CCDC85A: variants seen among roughly 807,000 people sequenced by gnomAD.
The protein encoded by CCDC85A is coiled-coil domain-containing protein 85A.
Under a neutral mutation model 50.2 loss-of-function variants are expected in CCDC85A, and 38 were observed. The ratio of observed to expected loss-of-function variants is 0.76; its 90% CI spans 0.58 to 0.99. The LOEUF (loss-of-function observed/expected upper bound fraction) is 0.99, where lower values mean the gene tolerates loss of function less well. Among genes scored for constraint, CCDC85A ranks in the 50% least tolerant of loss-of-function variants. The probability of loss-of-function intolerance (pLI) is 0.00; values close to 1 mark genes in which losing one functional copy is unlikely to be tolerated. For synonymous variants in CCDC85A, 366 were observed against 301.4 expected (o/e 1.21, Z -2.22); for missense variants, 820 against 742.0 (o/e 1.11, Z -1.22).
chr2:56,352,290 G>T (rs1039809441), intron 3 of CCDC85A, among the ~76,000 whole-genome samples: 2 of 152,004 alleles, frequency 1.3e-5, no homozygotes, highest in African/African-American at 2.4e-5. Context: ...TATACATAAA[G>T]ATCTATATTC....
At chr2:56,334,561 T>C (rs1673979770) in intron 2 of CCDC85A, among the ~76,000 whole-genome samples, 1 of 152,310 alleles carries the variant, frequency 6.6e-6, no homozygotes, top group Admixed American at 6.5e-5. Context: ...AATTTGATAT[T>C]GTAGAATTAT....
chr2:56,223,301 G>A (rs934683492), intron 2 of CCDC85A, among the ~76,000 whole-genome samples: 33 of 152,106 alleles, frequency 2.2e-4, no homozygotes, highest in East Asian at 1.9e-4. Context: ...TAGACTTTCT[G>A]TGCTGTGTAT....
chr2:56,315,304 A>G (rs1207166505), intron 2 of CCDC85A, among the ~76,000 whole-genome samples: 2 of 152,120 alleles, frequency 1.3e-5, no homozygotes, highest in African/African-American at 4.8e-5. Context: ...TAAATAACTA[A>G]AGAACAGCTC....
At chr2:56,375,450 A>T (rs1238043099) in intron 4 of CCDC85A, among the ~76,000 whole-genome samples, 1 of 152,238 alleles carries the variant, frequency 6.6e-6, no homozygotes, top group African/African-American at 2.4e-5. Flanking sequence ...CATATGGAAT[A>T]TGGCATTTGG....
intron 3 of CCDC85A, among the ~76,000 whole-genome samples, chr2:56,360,889 T>C (rs1675488056): frequency 6.6e-6 from 1 of 152,252 alleles, no homozygotes. Context: ...GGTACAGGAA[T>C]ATTTATTCAG....
At chr2:56,372,274 T>C (rs1676111173) in intron 3 of CCDC85A, 70 bp from the exon 4 acceptor site, 1 of 1,415,384 alleles carries the variant, frequency 7.1e-7, no homozygotes, top group African/African-American at 1.4e-5. Context: ...CTTCATGTTC[T>C]ATCTGCTTTC....
chr2:56,259,053 A>G (rs1004256847), intron 2 of CCDC85A, among the ~76,000 whole-genome samples: 3 of 152,182 alleles, frequency 2.0e-5, no homozygotes, highest in Non-Finnish European at 4.4e-5. Context: ...TGGATGTCAT[A>G]TGGTTATAAT....
chr2:56,299,539 G>A (rs984943565), intron 2 of CCDC85A, among the ~76,000 whole-genome samples: 3 of 152,080 alleles, frequency 2.0e-5, no homozygotes, highest in Admixed American at 6.6e-5. Flanking sequence ...CAGATTTCCT[G>A]GCACGTTGGC....
At chr2:56,301,621 C>T (rs930271238) in intron 2 of CCDC85A, among the ~76,000 whole-genome samples, 2 of 152,144 alleles carry the variant, frequency 1.3e-5, no homozygotes, top group African/African-American at 4.8e-5. Context: ...ACAGAGAATG[C>T]AGAATCTGAA....
chr2:56,186,210 G>T (rs4672096), intron 1 of CCDC85A, among the ~76,000 whole-genome samples: 131,931 of 152,114 alleles, frequency 0.87, 57,447 homozygotes, highest in Non-Finnish European at 0.9. Context: ...ACTCTCTCCT[G>T]TGGTTGAATT....
intron 2 of CCDC85A, among the ~76,000 whole-genome samples, chr2:56,311,095 A>G (rs1354064950): frequency 6.6e-6 from 1 of 152,180 alleles, no homozygotes; most frequent in Non-Finnish European, 1.5e-5. Flanking sequence ...GACTTATGAC[A>G]TAAGCTAGAA....
chr2:56,345,167 C>T (rs780510665), intron 3 of CCDC85A, among the ~76,000 whole-genome samples: 1 of 152,058 alleles, frequency 6.6e-6, no homozygotes, highest in Non-Finnish European at 1.5e-5. Context: ...ATTTTGCTAC[C>T]AAGGAAGGTT....
chr2:56,217,733 TC>T (rs1345896876), intron 2 of CCDC85A, among the ~76,000 whole-genome samples: 1 of 151,834 alleles, frequency 6.6e-6, no homozygotes, highest in Non-Finnish European at 1.5e-5. Flanking sequence ...TGATTTTCCT[TC>T]TAAAAGCTTG....
At position 56,329,945 on chromosome 2, in the gene CCDC85A, G is replaced by GT. The variant is rs535050957; in HGVS notation, c.1241-12898dup. 5.9e-3 allele frequency among the ~76,000 whole-genome samples: 260 copies of GT among 44,074 alleles called. 22 individuals are homozygous for GT. The highest frequency in any genetic ancestry group is 9.0e-3 in the Non-Finnish European group (188 of 20,838). 28.9% of individuals were successfully genotyped at this position (44,074 alleles called of 152,430 possible). On this transcript the variant is annotated intron_variant, in intron 2 of 5. Transcript: ENST00000407595. Reference sequence around the variant, plus strand: ...AAAATTTGTTTTTTACAGATTTCCTGTTTTTTTTTTTTTTTTTTTTTTTTT... The same window carrying GT: ...AAAATTTGTTTTTTACAGATTTCCTGTTTTTTTTTTTTTTTTTTTTTTTTTT...
At chr2:56,184,925 C>T (rs1480801042) in intron 1 of CCDC85A, 25 bp downstream of exon 1, 2 of 1,455,190 alleles carry the variant, frequency 1.4e-6, no homozygotes, top group Non-Finnish European at 9.0e-7. Flanking sequence ...GGTGGGGAGG[C>T]GCGGCGCGGC....
chr2:56,258,757 G>C (rs1359365451), intron 2 of CCDC85A, among the ~76,000 whole-genome samples: 1 of 152,202 alleles, frequency 6.6e-6, no homozygotes, highest in Non-Finnish European at 1.5e-5. Flanking sequence ...TCTGGGTTTG[G>C]CTTGATGAGG....
intron 2 of CCDC85A, among the ~76,000 whole-genome samples, chr2:56,223,648 G>A (rs972256002): frequency 2.6e-5 from 4 of 152,128 alleles, no homozygotes; most frequent in Admixed American, 6.6e-5. Context: ...ACTGCAACCT[G>A]ATATGCTTAG....
chr2:56,290,394 C>A (rs1025582777), intron 2 of CCDC85A, among the ~76,000 whole-genome samples: 3 of 151,950 alleles, frequency 2.0e-5, no homozygotes, highest in African/African-American at 7.3e-5. Context: ...GGAAAGAGAA[C>A]AGGCTTTTTT....
intron 4 of CCDC85A, among the ~76,000 whole-genome samples, chr2:56,373,372 A>G (rs1454057338): frequency 6.6e-6 from 1 of 150,920 alleles, no homozygotes; most frequent in Non-Finnish European, 1.5e-5. Context: ...AAAGAAAACT[A>G]CTTTCATAAA....
Sources: allele counts gnomAD v4.1 joint callset (sites outside exome capture counted in the v4.1 genomes callset), GRCh38; gene constraint gnomAD v4.1.1; transcripts MANE v1.5; gene names NCBI Gene and HGNC (gene_info 2026-07-23, HGNC 2026-07-21).